Variants in PAX5 observed in about 807,000 individuals in gnomAD.
The protein encoded by PAX5 is paired box 5.
A neutral mutation model predicts 43.7 loss-of-function variants in PAX5; 9 were observed. The observed-to-expected ratio is 0.21, with a 90% CI of 0.12 to 0.36. The LOEUF (loss-of-function observed/expected upper bound fraction) is 0.36, where lower values mean the gene tolerates loss of function less well. Among genes scored for constraint, PAX5 ranks in the 10% least tolerant of loss-of-function variants. The pLI is 1.00. For missense variants in PAX5, 383 were observed against 532.7 expected (o/e 0.72, Z 2.77); for synonymous variants, 228 against 214.3 (o/e 1.06, Z -0.56).
At chr9:36,991,138 A>AAAT (rs2132328027) in intron 5 of PAX5, among the ~76,000 whole-genome samples, 2 of 152,280 alleles carry the variant, frequency 1.3e-5, no homozygotes, top group Admixed American at 1.3e-4. Flanking sequence ...ATTCCAGCAA[A>AAAT]AATTATAAAA....
chr9:36,965,326 C>T (rs747157736), intron 6 of PAX5, among the ~76,000 whole-genome samples: 13 of 152,218 alleles, frequency 8.5e-5, no homozygotes, highest in South Asian at 2.1e-4. Context: ...TGCATGGCTC[C>T]AGGCCTTGCA....
At chr9:37,022,424 T>C (rs923743715) in intron 1 of PAX5, among the ~76,000 whole-genome samples, 2 of 152,192 alleles carry the variant, frequency 1.3e-5, no homozygotes, top group African/African-American at 4.8e-5. Flanking sequence ...TTAAAAAGGT[T>C]GTACAGATCT....
At chr9:36,958,675 T>C (rs1833704760) in intron 6 of PAX5, among the ~76,000 whole-genome samples, 1 of 152,120 alleles carries the variant, frequency 6.6e-6, no homozygotes, top group Non-Finnish European at 1.5e-5. Flanking sequence ...GCAAGAGTAA[T>C]CTTCCACTCT....
In PAX5 at chr9:36,974,674, G is replaced by C. The variant is rs137911591; in HGVS notation, c.605-7950C>G. On this transcript the variant is annotated intron_variant, in intron 5 of 9. Transcript: ENST00000358127. ...AAAACAACAGTATGCAGGACAATTC[G>C]TGGGGCTTTTATAAGGATTAAATGA... 7.2e-3 allele frequency among the ~76,000 whole-genome samples: 1,093 copies of C among 152,210 alleles called. 5 individuals are homozygous for C. The highest frequency in any genetic ancestry group is 0.025 in the African/African-American group (1,022 of 41,518).
At chr9:36,874,824 C>T (rs1825779929) in intron 8 of PAX5, among the ~76,000 whole-genome samples, 1 of 152,198 alleles carries the variant, frequency 6.6e-6, no homozygotes, top group South Asian at 2.1e-4. Flanking sequence ...CTAGGCTTCT[C>T]TGTTCACCGC....
intron 6 of PAX5, among the ~76,000 whole-genome samples, chr9:36,963,145 A>G (rs1394502702): frequency 6.6e-6 from 1 of 152,248 alleles, no homozygotes; most frequent in African/African-American, 2.4e-5. Context: ...TCATTAAAAC[A>G]CATTACAGGG....
intron 1 of PAX5, chr9:37,026,710 G>C: frequency 7.8e-7 from 1 of 1,289,032 alleles, no homozygotes; most frequent in Non-Finnish European, 1.0e-6. Context: ...CTGGAGCTTC[G>C]GGGTCTCTCT....
At chr9:36,988,188 G>A (rs1836617878) in intron 5 of PAX5, among the ~76,000 whole-genome samples, 1 of 152,180 alleles carries the variant, frequency 6.6e-6, no homozygotes, top group Admixed American at 6.5e-5. Flanking sequence ...GAGAAACCCA[G>A]GCTTCTCCAG....
In PAX5 at chr9:36,833,892, A is replaced by C; in HGVS notation, c.*6668T>G. On this transcript the variant is annotated 3_prime_UTR_variant, in exon 10 of 10. Transcript: ENST00000358127. Reference sequence around the variant, plus strand: ...TTGTATTTTTTTTTTTTTACAAGTAAGCGTCTATGCAGGCATCACAAACTT... The same window carrying C: ...TTGTATTTTTTTTTTTTTACAAGTACGCGTCTATGCAGGCATCACAAACTT... 4.3e-6 allele frequency: 1 copy of C among 230,854 alleles called. No homozygotes were observed. Among genetic ancestry groups the C allele is most frequent in the Non-Finnish European group, 8.5e-6 (1 of 117,436 alleles). The allele number at this position is 230,854 out of a possible 1,614,324, so 14.3% of individuals were successfully genotyped here.
intron 7 of PAX5, chr9:36,923,099 C>T (rs1203328872): frequency 2.3e-6 from 1 of 433,732 alleles, no homozygotes; most frequent in East Asian, 3.5e-5. Flanking sequence ...GTTTCCTGCC[C>T]CCTACCCCAA....
At chr9:36,961,916 C>T (rs895990791) in intron 6 of PAX5, among the ~76,000 whole-genome samples, 1 of 152,162 alleles carries the variant, frequency 6.6e-6, no homozygotes, top group Admixed American at 6.5e-5. Flanking sequence ...GTAGGGAAAA[C>T]AGAATTGCTT....
Position 36,836,345 on chromosome 9 carries a change from G to T in PAX5, c.*4215C>A, listed in dbSNP as rs1821640395. 1 of 233,228 alleles carries T rather than the reference G, an allele frequency of 4.3e-6. No individual in the cohort carries two copies. Among genetic ancestry groups the T allele is most frequent in the Admixed American group, 5.6e-5 (1 of 17,782 alleles). 14.4% of individuals were successfully genotyped at this position (233,228 alleles called of 1,614,324 possible). A position where few individuals can be genotyped will look rare whatever the true frequency, so the allele number is the denominator to read the frequency against. On this transcript the variant is annotated 3_prime_UTR_variant, in exon 10 of 10. Coordinates refer to ENST00000358127, the MANE Select transcript of PAX5 (RefSeq NM_016734.3). ...GCCCGTTTCTACCCCTGCCTTGCTG[G>T]ACACCCTGAAGCACATCTCTCACCT...
In PAX5 at chr9:36,933,322, G is replaced by A. The variant is rs116349176; in HGVS notation, c.781-9838C>T. On this transcript the variant is annotated intron_variant, in intron 6 of 9. Coordinates refer to ENST00000358127, the MANE Select transcript of PAX5 (RefSeq NM_016734.3). ...AGGACAGCCAGGAGCTTACTCTCTC[G>A]CCTCCTCTTCCTGGTGCCCTGCCCT... Among the ~76,000 whole-genome samples, 383 of 152,260 alleles carry A rather than the reference G, an allele frequency of 2.5e-3. 2 individuals carry two copies. The highest frequency in any genetic ancestry group is 8.8e-3 in the African/African-American group (367 of 41,558).
At chr9:36,869,939 AATGG>A (rs57329165) in intron 8 of PAX5, among the ~76,000 whole-genome samples, 91 of 29,038 alleles carry the variant, frequency 3.1e-3, no homozygotes, top group African/African-American at 8.0e-3. Flanking sequence ...TGGATGGATA[AATGG>A]ATGGATGGAT....
At chr9:36,962,000 C>T (rs922484192) in intron 6 of PAX5, among the ~76,000 whole-genome samples, 37 of 152,324 alleles carry the variant, frequency 2.4e-4, no homozygotes, top group African/African-American at 8.9e-4. Flanking sequence ...CCACCCAGGG[C>T]AAAGCGTTTA....
intron 7 of PAX5, among the ~76,000 whole-genome samples, chr9:36,918,395 G>T (rs556168948): frequency 6.6e-6 from 1 of 152,344 alleles, no homozygotes; most frequent in Non-Finnish European, 1.5e-5. Context: ...GGGCATGGTG[G>T]CTTACACCTG....
intron 8 of PAX5, among the ~76,000 whole-genome samples, chr9:36,870,698 G>A (rs1395452233): frequency 6.6e-6 from 1 of 152,194 alleles, no homozygotes; most frequent in Non-Finnish European, 1.5e-5. Context: ...TTTAGCCCAG[G>A]GCCTCTCCAG....
chr9:36,932,874 G>A (rs2132020364), intron 6 of PAX5, among the ~76,000 whole-genome samples: 1 of 152,196 alleles, frequency 6.6e-6, no homozygotes, highest in South Asian at 2.1e-4. Flanking sequence ...CCGTAATTAT[G>A]GCTGGGCACG....
chr9:37,020,577 G>T, intron 2 of PAX5, 59 bp downstream of exon 2: 1 of 1,518,604 alleles, frequency 6.6e-7, no homozygotes, highest in Non-Finnish European at 9.1e-7. Context: ...ACAGCTGCTG[G>T]GTCATGTTTT....
Sources: allele counts gnomAD v4.1 joint callset (sites outside exome capture counted in the v4.1 genomes callset), GRCh38; gene constraint gnomAD v4.1.1; transcripts MANE v1.5; gene names NCBI Gene and HGNC (gene_info 2026-07-23, HGNC 2026-07-21).